The following TDRKH variants were observed in gnomAD, a reference collection of about 807,000 sequenced individuals.
The protein encoded by TDRKH is tudor and KH domain-containing protein.
TDRKH carries 28 observed loss-of-function variants against 61.3 expected under a neutral mutation model. That is an observed-to-expected ratio of 0.46 (90% CI 0.34 to 0.63). The LOEUF is 0.63. Among genes scored for constraint, TDRKH ranks in the 20% least tolerant of loss-of-function variants. The probability of loss-of-function intolerance (pLI) is 0.01; values close to 1 mark genes in which losing one functional copy is unlikely to be tolerated. For synonymous variants in TDRKH, 219 were observed against 244.4 expected (o/e 0.90, Z 0.97); for missense variants, 540 against 683.4 (o/e 0.79, Z 2.34).
chr1:151,780,339 G>A (rs1649632992), intron 3 of TDRKH, among the ~76,000 whole-genome samples, 199 bp from the exon 4 acceptor site: 6 of 147,550 alleles, frequency 4.1e-5, no homozygotes, highest in Admixed American at 3.4e-4. Flanking sequence ...CTTTATGGAA[G>A]GAGATTAGTA....
At chr1:151,785,859 G>C (rs1445606230) in intron 1 of TDRKH, among the ~76,000 whole-genome samples, 1 of 152,210 alleles carries the variant, frequency 6.6e-6, no homozygotes, top group Admixed American at 6.5e-5. Flanking sequence ...AAAAACTAAA[G>C]ATAGGTGATA....
rs570257533 is a variant in TDRKH at position 151,773,855 on chromosome 1, A to C, written c.*597T>G. The C allele has an allele frequency of 3.3e-5, 5 of 152,320 alleles. No individual in the cohort carries two copies. Among genetic ancestry groups the C allele is most frequent in the African/African-American group, 1.2e-4 (5 of 41,572 alleles). 9.4% of individuals were successfully genotyped at this position (152,320 alleles called of 1,614,324 possible). The stretch of plus-strand genomic sequence containing the variant: ...CCACTCAAAAGCTTTCCTTAACCAG[A>C]GTCACCTGATAAGGTGAGTCAGAAG... On this transcript the variant is annotated 3_prime_UTR_variant, in exon 13 of 13. Coordinates refer to ENST00000368824, the MANE Select transcript of TDRKH (RefSeq NM_001083965.2).
chr1:151,786,085 A>G (rs1310665041), intron 1 of TDRKH, among the ~76,000 whole-genome samples: 1 of 152,216 alleles, frequency 6.6e-6, no homozygotes, highest in Non-Finnish European at 1.5e-5. Flanking sequence ...GGCTAAAAAC[A>G]TACTCATTAA....
rs1193176749 is a variant in TDRKH, at chr1:151,781,567, C to T, written c.145G>A (p.Gly49Arg). The change falls in exon 3 of 13, where the codon GGG becomes AGG. Residue 49 changes from glycine to arginine, a missense_variant. Physicochemically the swap from Gly to Arg is moderately radical, Grantham distance 125. Coordinates refer to ENST00000368824, the MANE Select transcript of TDRKH (RefSeq NM_001083965.2). ...ESREERLTFV[G>R]EDDIEIEMRV... ...ATCTCTATCTCAATGTCATCTTCCCCAACAAATGTCAGCCGCTCTTCTGCA... is the reference window on the plus strand; with the variant it reads ...ATCTCTATCTCAATGTCATCTTCCCTAACAAATGTCAGCCGCTCTTCTGCA... 1 of 1,613,404 alleles carries T rather than the reference C, an allele frequency of 6.2e-7. No individual in the cohort carries two copies. Among genetic ancestry groups the T allele is most frequent in the Non-Finnish European group, 8.5e-7 (1 of 1,179,778 alleles).
At position 151,775,842 on chromosome 1, in the gene TDRKH, A is replaced by C. The variant is rs1428524415; in HGVS notation, c.1260T>G (p.Ser420Arg). 4 of 1,613,800 alleles carry C rather than the reference A, an allele frequency of 2.5e-6. No individual in the cohort carries two copies. Among genetic ancestry groups the C allele is most frequent in the Non-Finnish European group, 3.4e-6 (4 of 1,179,706 alleles). Reference protein sequence around the residue: ...LSLPFQAIECSLARIAPSGDQ... With the variant: ...LSLPFQAIECRLARIAPSGDQ... Reference sequence around the variant, plus strand: ...TACCTGAGGGAGCAATCCGTGCCAGACTACATTCTATTGCTTGAAATGGAA... The same window carrying C: ...TACCTGAGGGAGCAATCCGTGCCAGCCTACATTCTATTGCTTGAAATGGAA... Residue 420 changes from serine to arginine, a missense_variant, in exon 9 of 13, where the codon AGT (serine) becomes AGG (arginine). This residue lies in a region of TDRKH where 379 missense variants were observed against 443.8 expected (regional missense o/e 0.85). Transcript: ENST00000368824.
chr1:151,770,178 T>C (rs1648616422), downstream of TDRKH: 1 of 1,613,822 alleles, frequency 6.2e-7, no homozygotes, highest in Non-Finnish European at 8.5e-7. Flanking sequence ...CTAGTTTGAC[T>C]GCAACCCTGG....
downstream of TDRKH, among the ~76,000 whole-genome samples, chr1:151,769,073 G>A (rs1040571246): frequency 2.6e-5 from 4 of 151,130 alleles, no homozygotes; most frequent in Non-Finnish European, 5.9e-5. Flanking sequence ...TTTCTACACA[G>A]ACACAGCAAC....
At chr1:151,782,806 C>A in intron 2 of TDRKH, 93 bp downstream of exon 2, 1 of 1,444,300 alleles carries the variant, frequency 6.9e-7, no homozygotes, top group Admixed American at 2.6e-5. Flanking sequence ...ACAAAACACA[C>A]ACAATACCTG....
At chr1:151,766,617 TC>T (rs1648366485), downstream of TDRKH, 1 of 1,345,354 alleles carries the variant, frequency 7.4e-7, no homozygotes, top group Admixed American at 2.0e-5. Context: ...TGACCCCTTA[TC>T]CATGTCATAG....
intron 2 of TDRKH, chr1:151,782,114 G>A (rs749092905): frequency 1.0e-5 from 4 of 401,834 alleles, no homozygotes; most frequent in Non-Finnish European, 4.8e-6. Flanking sequence ...GCACATCAAT[G>A]GAGTTATAAA....
intron 1 of TDRKH, among the ~76,000 whole-genome samples, chr1:151,788,359 G>A (rs74755705): frequency 2.6e-5 from 4 of 152,336 alleles, no homozygotes; most frequent in South Asian, 4.1e-4. Flanking sequence ...AGTCAAGATA[G>A]ATTTGGCAGC....
In TDRKH at chr1:151,781,476, C is replaced by T. The variant is rs758169310; in HGVS notation, c.231+5G>A. 4 of 1,612,970 alleles carry T rather than the reference C, an allele frequency of 2.5e-6. No individual in the cohort carries two copies. Among genetic ancestry groups the T allele is most frequent in the South Asian group, 2.2e-5 (2 of 91,004 alleles). ...GGAAAGCAGACTGCCTACTCACACA[C>T]TTACCTGTTTAATATTGGCTCCTTG... On this transcript the variant is annotated splice_donor_5th_base_variant and intron_variant, in intron 3 of 12. Coordinates refer to ENST00000368824, the MANE Select transcript of TDRKH (RefSeq NM_001083965.2).
At chr1:151,782,276 G>A (rs1011101692) in intron 2 of TDRKH, among the ~76,000 whole-genome samples, 7 of 150,404 alleles carry the variant, frequency 4.7e-5, no homozygotes, top group African/African-American at 1.5e-4. Context: ...GTGAAACCCC[G>A]TCTCTACTAA....
At chr1:151,770,522 G>A (rs1648640943), downstream of TDRKH, 1 of 405,934 alleles carries the variant, frequency 2.5e-6, no homozygotes, top group African/African-American at 2.1e-5. Context: ...TTCAAGGGAT[G>A]TGGCCAGCAG....
intron 6 of TDRKH, 123 bp from the exon 7 acceptor site, chr1:151,776,722 G>A (rs1649219534): frequency 8.1e-6 from 9 of 1,112,884 alleles, no homozygotes; most frequent in South Asian, 1.6e-5. Flanking sequence ...TGGCAGGAGA[G>A]GCAACTGGAT....
chr1:151,770,086 A>G, downstream of TDRKH: 1 of 1,448,568 alleles, frequency 6.9e-7, no homozygotes, highest in Non-Finnish European at 9.3e-7. Context: ...AGAGAGAGGG[A>G]GAGGGAGACC....
intron 4 of TDRKH, 146 bp from the exon 5 acceptor site, chr1:151,779,388 G>T: frequency 8.9e-7 from 1 of 1,123,940 alleles, no homozygotes; most frequent in Non-Finnish European, 1.2e-6. Flanking sequence ...ATGGAAATCA[G>T]GAGCTACTGA....
chr1:151,768,557 CT>C (rs1162516085), downstream of TDRKH, among the ~76,000 whole-genome samples: 1 of 152,212 alleles, frequency 6.6e-6, no homozygotes, highest in African/African-American at 2.4e-5. Context: ...TCTACCAAAA[CT>C]AGTTTAGCAA....
chr1:151,770,434 A>C, downstream of TDRKH: 1 of 901,470 alleles, frequency 1.1e-6, no homozygotes, highest in Non-Finnish European at 1.6e-6. Flanking sequence ...TCAAGTTACA[A>C]CTGGACTCTG....
Sources: gnomAD v4.1 joint callset for allele counts (sites outside exome capture counted in the v4.1 genomes callset) on GRCh38, gnomAD v4.1.1 for gene constraint, gnomAD v4.1.1 regional missense constraint, MANE v1.5 for transcripts, NCBI Gene and HGNC (gene_info 2026-07-23, HGNC 2026-07-21) for gene names.